RNGTT: variants seen among roughly 807,000 people sequenced by gnomAD.
The protein encoded by RNGTT is RNA guanylyltransferase and 5'-phosphatase, also known as mRNA-capping enzyme.
Under a neutral mutation model 79.3 loss-of-function variants are expected in RNGTT, and 33 were observed. The ratio of observed to expected loss-of-function variants is 0.42; its 90% CI spans 0.32 to 0.56. RNGTT has a LOEUF of 0.56. RNGTT is among the 20% of genes least tolerant of loss of function. The probability of loss-of-function intolerance (pLI) is 0.17; values close to 1 mark genes in which losing one functional copy is unlikely to be tolerated. For synonymous variants in RNGTT, 222 were observed against 235.9 expected, an observed-to-expected ratio of 0.94 and a Z score of 0.54; for missense variants, 497 against 739.1, an observed-to-expected ratio of 0.67 and a Z score of 3.80.
intron 4 of RNGTT, among the ~76,000 whole-genome samples, chr6:88,913,227 C>A (rs144111590): frequency 0.029 from 3,147 of 109,846 alleles, 103 homozygotes; most frequent in African/African-American, 0.11. Context: ...AAAAAAAAAA[C>A]AAAAAAAAAA....
intron 14 of RNGTT, among the ~76,000 whole-genome samples, chr6:88,625,535 A>G (rs541959039): frequency 6.6e-5 from 10 of 152,108 alleles, no homozygotes; most frequent in African/African-American, 2.4e-4. Flanking sequence ...ACGCAAAACT[A>G]TATCAACAGA....
chr6:88,696,601 TACACACACACACACAC>T (rs67058652), intron 13 of RNGTT, among the ~76,000 whole-genome samples: 1 of 147,490 alleles, frequency 6.8e-6, no homozygotes, highest in Non-Finnish European at 1.5e-5. Flanking sequence ...AATCCTGAAG[TACACACACACACACAC>T]ACACACACAC....
chr6:88,612,952 GA>G, intron 15 of RNGTT, 70 bp from the exon 16 acceptor site: 4 of 1,424,780 alleles, frequency 2.8e-6, no homozygotes, highest in Non-Finnish European at 3.8e-6. Context: ...AGGCTTATGA[GA>G]AAGGTTTTCA....
intron 14 of RNGTT, among the ~76,000 whole-genome samples, chr6:88,632,131 T>C (rs1006273274): frequency 1.8e-4 from 27 of 152,132 alleles, no homozygotes; most frequent in Non-Finnish European, 1.2e-4. Context: ...TGGCTAATTT[T>C]TGTATTTTTT....
intron 4 of RNGTT, among the ~76,000 whole-genome samples, chr6:88,914,041 C>A (rs1444387427): frequency 1.3e-5 from 2 of 151,958 alleles, no homozygotes; most frequent in African/African-American, 2.4e-5. Context: ...ACAACAGCCA[C>A]ACAAAAAAAT....
chr6:88,796,173 T>C (rs1221296894), intron 12 of RNGTT, among the ~76,000 whole-genome samples: 1 of 152,178 alleles, frequency 6.6e-6, no homozygotes, highest in Non-Finnish European at 1.5e-5. Context: ...GATAATACTT[T>C]TGATATAGTC....
chr6:88,788,135 G>A (rs187983005), intron 12 of RNGTT, among the ~76,000 whole-genome samples: 1 of 152,308 alleles, frequency 6.6e-6, no homozygotes, highest in African/African-American at 2.4e-5. Flanking sequence ...GGCAGTATCA[G>A]AGTGGGCAAA....
chr6:88,707,744 C>T (rs1358895062), intron 13 of RNGTT, among the ~76,000 whole-genome samples: 1 of 129,130 alleles, frequency 7.7e-6, no homozygotes, highest in Non-Finnish European at 1.6e-5. Flanking sequence ...AAAAAAAAGG[C>T]AAACTGTAAA....
intron 14 of RNGTT, among the ~76,000 whole-genome samples, chr6:88,635,669 C>T (rs935970683): frequency 6.6e-6 from 1 of 152,076 alleles, no homozygotes; most frequent in African/African-American, 2.4e-5. Context: ...ACTCTGGCAT[C>T]TGAAAATGCT....
At chr6:88,637,110 T>TG (rs981547012) in intron 14 of RNGTT, among the ~76,000 whole-genome samples, 7 of 151,998 alleles carry the variant, frequency 4.6e-5, no homozygotes, top group South Asian at 2.1e-4. Context: ...TTGGTAGACA[T>TG]GGGGGGTCTC....
intron 6 of RNGTT, among the ~76,000 whole-genome samples, chr6:88,892,203 T>C (rs1164262909): frequency 1.3e-5 from 2 of 152,080 alleles, no homozygotes; most frequent in Admixed American, 1.3e-4. Flanking sequence ...CCAAGCAGAA[T>C]GTCTGGCATC....
chr6:88,871,627 G>A (rs949787988), intron 8 of RNGTT, among the ~76,000 whole-genome samples: 2 of 152,172 alleles, frequency 1.3e-5, no homozygotes, highest in Non-Finnish European at 2.9e-5. Context: ...CTGCCATATG[G>A]TGAGGACACT....
At chr6:88,765,634 A>G (rs1359200929) in intron 13 of RNGTT, among the ~76,000 whole-genome samples, 1 of 152,212 alleles carries the variant, frequency 6.6e-6, no homozygotes, top group African/African-American at 2.4e-5. Flanking sequence ...GACATTTTAC[A>G]GATGAGGAAG....
chr6:88,852,373 A>T (rs1192974264), intron 9 of RNGTT, among the ~76,000 whole-genome samples: 2 of 152,054 alleles, frequency 1.3e-5, no homozygotes, highest in African/African-American at 4.8e-5. Flanking sequence ...TATTTTATTA[A>T]TTATAATGCT....
chr6:88,852,495 C>G (rs116995556), intron 9 of RNGTT, among the ~76,000 whole-genome samples: 260 of 151,982 alleles, frequency 1.7e-3, no homozygotes, highest in Admixed American at 2.8e-3. Flanking sequence ...CTATACAACC[C>G]CAAGGGTACC....
At chr6:88,818,179 C>G (rs1439610436) in intron 11 of RNGTT, among the ~76,000 whole-genome samples, 2 of 152,122 alleles carry the variant, frequency 1.3e-5, no homozygotes, top group African/African-American at 4.8e-5. Flanking sequence ...GCAATTGTTC[C>G]TAAGTATTCT....
intron 2 of RNGTT, among the ~76,000 whole-genome samples, chr6:88,929,868 G>A (rs912928047): frequency 6.8e-6 from 1 of 147,576 alleles, no homozygotes; most frequent in African/African-American, 2.6e-5. Context: ...GTATACATAT[G>A]CATATATACA....
chr6:88,792,171 G>A (rs1779445505), intron 12 of RNGTT, among the ~76,000 whole-genome samples: 1 of 152,108 alleles, frequency 6.6e-6, no homozygotes, highest in Non-Finnish European at 1.5e-5. Context: ...CTGAAAGACT[G>A]AATAAAAACA....
At chr6:88,955,785 G>A (rs139434039) in intron 1 of RNGTT, among the ~76,000 whole-genome samples, 36 of 152,134 alleles carry the variant, frequency 2.4e-4, no homozygotes, top group African/African-American at 8.2e-4. Flanking sequence ...GCTCACGTCT[G>A]TAATCCCAGC....
Sources: allele counts gnomAD v4.1 joint callset (sites outside exome capture counted in the v4.1 genomes callset), GRCh38; gene constraint gnomAD v4.1.1; transcripts MANE v1.5; gene names NCBI Gene and HGNC (gene_info 2026-07-23, HGNC 2026-07-21).